CUL1: variants seen among roughly 807,000 people sequenced by gnomAD.
CUL1 encodes the protein cullin 1.
In CUL1, 24 loss-of-function variants were observed where a neutral mutation model predicts 118.0. That is an observed-to-expected ratio of 0.20 (90% CI 0.15 to 0.29). The LOEUF is 0.29. CUL1 is among the 10% of genes least tolerant of loss of function. The probability of loss-of-function intolerance (pLI) is 1.00; values close to 1 mark genes in which losing one functional copy is unlikely to be tolerated. For synonymous variants in CUL1, 332 were observed against 340.4 expected (o/e 0.98, Z 0.27); for missense variants, 361 against 933.8 (o/e 0.39, Z 7.99).
At chr7:148,762,648 T>G (rs1231505330) in intron 7 of CUL1, among the ~76,000 whole-genome samples, 5 of 152,250 alleles carry the variant, frequency 3.3e-5, no homozygotes, top group African/African-American at 1.2e-4. Flanking sequence ...ATGGTGATTC[T>G]TTTAAAACTA....
At chr7:148,766,970 A>G (rs1042220152) in intron 8 of CUL1, among the ~76,000 whole-genome samples, 1 of 152,150 alleles carries the variant, frequency 6.6e-6, no homozygotes. Flanking sequence ...ATGCTACCCC[A>G]AGTTTTTTCT....
At chr7:148,736,304 A>AT (rs935853789) in intron 2 of CUL1, among the ~76,000 whole-genome samples, 14 of 152,124 alleles carry the variant, frequency 9.2e-5, no homozygotes, top group African/African-American at 3.1e-4. Context: ...TTAGAGATAT[A>AT]TTTTTTTGTT....
chr7:148,762,635 T>C (rs1472333541), intron 7 of CUL1, among the ~76,000 whole-genome samples: 2 of 152,258 alleles, frequency 1.3e-5, no homozygotes, highest in Non-Finnish European at 2.9e-5. Flanking sequence ...AACTCTGCTG[T>C]ATATGGTGAT....
rs1235943069 is a variant in CUL1, at chr7:148,798,817, G to A, written c.2136+140G>A. On this transcript the variant is annotated intron_variant, in intron 20 of 21. Transcript: ENST00000325222. ...GGTCTGTGATGGCAGAAGGTGGCAA[G>A]GCCGAGAGCCAGGGCCTTGTTATCT... 8.2e-6 allele frequency: 6 copies of A among 729,004 alleles called. No homozygotes were observed. In the East Asian group the frequency reaches 1.2e-4, roughly 15 times the overall value. 45.2% of individuals were successfully genotyped at this position (729,004 alleles called of 1,614,324 possible).
intron 9 of CUL1, among the ~76,000 whole-genome samples, chr7:148,773,198 A>C (rs528041217): frequency 1.3e-5 from 2 of 152,126 alleles, no homozygotes; most frequent in African/African-American, 2.4e-5. Flanking sequence ...GATAATATAA[A>C]TCATAATATT....
At chr7:148,761,758 A>G (rs1417912282) in intron 7 of CUL1, among the ~76,000 whole-genome samples, 2 of 152,234 alleles carry the variant, frequency 1.3e-5, no homozygotes, top group African/African-American at 4.8e-5. Context: ...GCAGGCAGGC[A>G]GAATTTGGCC....
At chr7:148,793,712 T>C (rs1412910162) in intron 17 of CUL1, among the ~76,000 whole-genome samples, 1 of 152,230 alleles carries the variant, frequency 6.6e-6, no homozygotes, top group Non-Finnish European at 1.5e-5. Flanking sequence ...TTAAGTTGTT[T>C]CCAATTATGA....
intron 1 of CUL1, among the ~76,000 whole-genome samples, chr7:148,699,445 G>A (rs1349912901): frequency 2.6e-5 from 4 of 152,124 alleles, no homozygotes; most frequent in African/African-American, 7.2e-5. Context: ...CGCCTGGTGA[G>A]GCGACCTCCG....
chr7:148,716,915 T>G (rs1165124526), intron 1 of CUL1, among the ~76,000 whole-genome samples: 2 of 152,230 alleles, frequency 1.3e-5, no homozygotes, highest in African/African-American at 2.4e-5. Context: ...TGGGAATAGA[T>G]TCCTAGAAGT....
At chr7:148,790,211 C>T in intron 15 of CUL1, 99 bp from the exon 16 acceptor site, 4 of 1,315,210 alleles carry the variant, frequency 3.0e-6, no homozygotes, top group Non-Finnish European at 4.4e-6. Context: ...TAAGCACTGA[C>T]TTTGTACTGT....
At chr7:148,741,646 C>T in intron 2 of CUL1, among the ~76,000 whole-genome samples, 1 of 119,684 alleles carries the variant, frequency 8.4e-6, no homozygotes, top group East Asian at 2.2e-4. Flanking sequence ...ATCACGTTGG[C>T]CAGGCTGGTC....
intron 7 of CUL1, among the ~76,000 whole-genome samples, chr7:148,765,789 C>A (rs941612007): frequency 6.6e-6 from 1 of 152,122 alleles, no homozygotes; most frequent in African/African-American, 2.4e-5. Context: ...TTTGAACAGT[C>A]TGATTTCTGA....
At chr7:148,759,842 A>G (rs1337179760) in intron 6 of CUL1, among the ~76,000 whole-genome samples, 1 of 152,214 alleles carries the variant, frequency 6.6e-6, no homozygotes, top group Non-Finnish European at 1.5e-5. Context: ...GTGTGCCTTA[A>G]GGAAATTTTG....
At chr7:148,776,307 C>CTTGTTTTTTTTTTT (rs1800396230) in intron 9 of CUL1, among the ~76,000 whole-genome samples, 1 of 40,692 alleles carries the variant, frequency 2.5e-5, no homozygotes, top group African/African-American at 1.1e-4. Flanking sequence ...CATAACCAGG[C>CTTGTTTTTTTTTTT]TTTTTTTTTT....
chr7:148,783,488 G>GA, intron 9 of CUL1: 1 of 1,252,266 alleles, frequency 8.0e-7, no homozygotes. Context: ...CTGTCACTTG[G>GA]AAAATGCTGT....
intron 2 of CUL1, among the ~76,000 whole-genome samples, chr7:148,739,608 A>C (rs775989497): frequency 6.6e-5 from 10 of 152,004 alleles, no homozygotes; most frequent in Non-Finnish European, 1.5e-4. Context: ...TGTTAGTTTT[A>C]GTTCTTTATA....
chr7:148,710,589 G>A (rs1360839187), intron 1 of CUL1, among the ~76,000 whole-genome samples: 1 of 152,070 alleles, frequency 6.6e-6, no homozygotes, highest in Non-Finnish European at 1.5e-5. Flanking sequence ...ACGAGCAAAT[G>A]TAAATGTCTA....
At chr7:148,752,773 C>T (rs1460831811) in intron 2 of CUL1, among the ~76,000 whole-genome samples, 1 of 152,118 alleles carries the variant, frequency 6.6e-6, no homozygotes, top group South Asian at 2.1e-4. Flanking sequence ...CTCAGCCTCC[C>T]GAGTAGCTGG....
intron 1 of CUL1, among the ~76,000 whole-genome samples, chr7:148,713,193 G>A (rs1267745080): frequency 3.3e-5 from 5 of 152,140 alleles, no homozygotes; most frequent in African/African-American, 9.7e-5. Flanking sequence ...CAAAATACAC[G>A]CAAGTACCAA....
Sources: gnomAD v4.1 joint callset for allele counts (sites outside exome capture counted in the v4.1 genomes callset) on GRCh38, gnomAD v4.1.1 for gene constraint, MANE v1.5 for transcripts, NCBI Gene and HGNC (gene_info 2026-07-23, HGNC 2026-07-21) for gene names.